The following PTPRG variants were observed in gnomAD, a reference collection of about 807,000 sequenced individuals.
The protein encoded by PTPRG is protein tyrosine phosphatase receptor type G.
In PTPRG, 102 loss-of-function variants were observed where a neutral mutation model predicts 165.3. The observed-to-expected ratio is 0.62, with a 90% confidence interval of 0.53 to 0.73. The LOEUF is 0.73. Ranked by LOEUF, PTPRG falls within the 30% of genes least tolerant of loss-of-function variation. PTPRG has a pLI of 0.00. For missense variants in PTPRG, 1,866 were observed against 1,861.4 expected, an observed-to-expected ratio of 1.00 and a Z score of -0.05; for synonymous variants, 675 against 669.5, an observed-to-expected ratio of 1.01 and a Z score of -0.13.
chr3:62,277,122 G>C, intron 25 of PTPRG, 74 bp downstream of exon 25: 1 of 1,098,352 alleles, frequency 9.1e-7, no homozygotes, highest in Non-Finnish European at 1.4e-6. Flanking sequence ...CCACCTGTGT[G>C]ACTGATGTCA....
chr3:61,894,166 T>C (rs534372080), intron 2 of PTPRG, among the ~76,000 whole-genome samples: 7 of 151,592 alleles, frequency 4.6e-5, no homozygotes, highest in Non-Finnish European at 8.8e-5. Flanking sequence ...CAGCTGGGTG[T>C]AGTGGTGCGT....
rs916810014 is a variant in PTPRG, at chr3:62,222,738, A to G, written c.2288+3755A>G. On this transcript the variant is annotated intron_variant, in intron 13 of 29. Transcript: ENST00000474889. The surrounding 1 kb of genome is among the most constrained non-coding windows in gnomAD (Gnocchi z 4.5). ...CTTAAAAAATTATAAAGCTGTTTCT[A>G]TTGCATGTGCACTGGAGCCATTTTC... Among the ~76,000 whole-genome samples, 9 of 152,146 alleles carry G rather than the reference A, an allele frequency of 5.9e-5. No homozygotes were observed. Among genetic ancestry groups the G allele is most frequent in the African/African-American group, 1.9e-4 (8 of 41,440 alleles).
chr3:61,800,004 A>C (rs1265527733), intron 2 of PTPRG, among the ~76,000 whole-genome samples: 1 of 152,194 alleles, frequency 6.6e-6, no homozygotes, highest in East Asian at 1.9e-4. Context: ...GTGTACCTGG[A>C]AGGTAATTTA....
chr3:61,881,149 T>C (rs1419563166), intron 2 of PTPRG, among the ~76,000 whole-genome samples: 1 of 152,034 alleles, frequency 6.6e-6, no homozygotes, highest in Non-Finnish European at 1.5e-5. Flanking sequence ...GAACAGTACT[T>C]TATAACAAAG....
chr3:61,729,388 C>T (rs73842330), intron 1 of PTPRG, among the ~76,000 whole-genome samples: 6,145 of 152,112 alleles, frequency 0.04, 201 homozygotes, highest in African/African-American at 0.091. Flanking sequence ...ATTTAAAAAC[C>T]GCTATATTTT....
chr3:61,691,343 G>C (rs182759563), intron 1 of PTPRG, among the ~76,000 whole-genome samples: 1 of 152,140 alleles, frequency 6.6e-6, no homozygotes, highest in Admixed American at 6.5e-5. Flanking sequence ...GGACATAAAG[G>C]CTACAGTGAG....
At chr3:61,767,244 A>G (rs1355448885) in intron 2 of PTPRG, among the ~76,000 whole-genome samples, 2 of 148,402 alleles carry the variant, frequency 1.3e-5, no homozygotes, top group African/African-American at 2.4e-5. Context: ...CCATCTCAAA[A>G]AAAAAAAAAA....
At chr3:62,116,002 A>T (rs1702852922) in intron 5 of PTPRG, among the ~76,000 whole-genome samples, 1 of 152,164 alleles carries the variant, frequency 6.6e-6, no homozygotes, top group South Asian at 2.1e-4. Flanking sequence ...CGATAAGTGG[A>T]TTATTGTAGC....
At position 62,233,824 on chromosome 3, in the gene PTPRG, A is replaced by G. The variant is rs1700962128; in HGVS notation, c.2375+2513A>G. Among the ~76,000 whole-genome samples, 1 of 152,238 alleles carries G rather than the reference A, an allele frequency of 6.6e-6. No individual in the cohort carries two copies. The stretch of plus-strand genomic sequence containing the variant: ...TCCTCCCAGAAAGGAGAGGAAAAAA[A>G]CATTGAAGATCAGACCCAAGTATTT... On this transcript the variant is annotated intron_variant, in intron 14 of 29. Transcript: ENST00000474889. This position sits in a 1 kb window ranked among gnomAD's most constrained non-coding sequence, Gnocchi z 4.7.
At chr3:61,848,183 G>A (rs755466120) in intron 2 of PTPRG, among the ~76,000 whole-genome samples, 4 of 152,198 alleles carry the variant, frequency 2.6e-5, no homozygotes, top group Admixed American at 6.5e-5. Context: ...CTACAGGACT[G>A]GCAGTGAAAA....
chr3:62,140,640 A>G (rs962465970), intron 6 of PTPRG, among the ~76,000 whole-genome samples: 2 of 152,086 alleles, frequency 1.3e-5, no homozygotes, highest in African/African-American at 4.8e-5. Context: ...TGAGGTCAGG[A>G]TTTCAAGACC....
chr3:61,888,418 C>A (rs1297627943), intron 2 of PTPRG, among the ~76,000 whole-genome samples: 1 of 151,948 alleles, frequency 6.6e-6, no homozygotes, highest in Non-Finnish European at 1.5e-5. Flanking sequence ...ACTGCAAGCT[C>A]CACCTCCCGG....
intron 2 of PTPRG, among the ~76,000 whole-genome samples, chr3:61,841,214 T>G (rs543370922): frequency 6.6e-6 from 1 of 152,344 alleles, no homozygotes; most frequent in South Asian, 2.1e-4. Flanking sequence ...AGAGATGTTT[T>G]ATATATACTT....
At chr3:62,024,782 A>C (rs1348806452) in intron 4 of PTPRG, among the ~76,000 whole-genome samples, 1 of 152,228 alleles carries the variant, frequency 6.6e-6, no homozygotes, top group Non-Finnish European at 1.5e-5. Flanking sequence ...TACTTAAATC[A>C]GTAGATCTGA....
chr3:62,169,860 T>G (rs1705150791), intron 8 of PTPRG, among the ~76,000 whole-genome samples: 1 of 152,184 alleles, frequency 6.6e-6, no homozygotes, highest in African/African-American at 2.4e-5. Flanking sequence ...GGGAACAGTT[T>G]ATTGGCATAT....
chr3:61,924,765 G>A lies in PTPRG; in HGVS notation c.191-64860G>A, dbSNP rs1376507827. On this transcript the variant is annotated intron_variant, in intron 2 of 29. Transcript: ENST00000474889. ...TTGTGAGGGTCATATGGTCTCTGCT[G>A]CAACTATTTGTCTTTGTCATTGTAG... is the stretch of plus-strand genomic sequence containing the variant. Among the ~76,000 whole-genome samples, 8 of 152,202 alleles carry A rather than the reference G, an allele frequency of 5.3e-5. No homozygotes were observed. In the East Asian group the frequency reaches 1.3e-3, roughly 26 times the overall value.
intron 2 of PTPRG, among the ~76,000 whole-genome samples, chr3:61,930,421 T>C (rs1376194019): frequency 4.6e-5 from 7 of 152,230 alleles, no homozygotes; most frequent in Admixed American, 3.3e-4. Flanking sequence ...TCCCCCTGTC[T>C]TCTCAGCAGT....
At chr3:61,638,501 G>T (rs910263124) in intron 1 of PTPRG, among the ~76,000 whole-genome samples, 1 of 143,206 alleles carries the variant, frequency 7.0e-6, no homozygotes, top group Non-Finnish European at 1.5e-5. Flanking sequence ...TCATAAATGG[G>T]AATATTTTAT....
At chr3:61,868,856 T>C (rs1221756049) in intron 2 of PTPRG, among the ~76,000 whole-genome samples, 5 of 152,080 alleles carry the variant, frequency 3.3e-5, no homozygotes, top group African/African-American at 1.2e-4. Flanking sequence ...TTTAATTCAA[T>C]GTGCGCATTT....
Sources: allele counts gnomAD v4.1 joint callset (sites outside exome capture counted in the v4.1 genomes callset), GRCh38; gene constraint gnomAD v4.1.1; non-coding constraint Gnocchi (gnomAD v3.1); transcripts MANE v1.5; gene names NCBI Gene and HGNC (gene_info 2026-07-23, HGNC 2026-07-21).